The following THBS4 variants were observed in gnomAD, a reference collection of about 807,000 sequenced individuals.
THBS4 encodes thrombospondin-4.
In THBS4, 90 loss-of-function variants were observed where a neutral mutation model predicts 115.7. The ratio of observed to expected loss-of-function variants is 0.78; its 90% CI spans 0.66 to 0.93. THBS4 has a LOEUF of 0.93. THBS4 is among the 40% of genes least tolerant of loss of function. The probability of loss-of-function intolerance (pLI) is 0.00; values close to 1 mark genes in which losing one functional copy is unlikely to be tolerated. For synonymous variants in THBS4, 460 were observed against 479.3 expected (o/e 0.96, Z 0.53); for missense variants, 1,087 against 1,232.7 (o/e 0.88, Z 1.77).
chr5:80,069,497 C>G (rs1833954556), intron 10 of THBS4, among the ~76,000 whole-genome samples: 1 of 152,188 alleles, frequency 6.6e-6, no homozygotes, highest in Admixed American at 6.5e-5. Context: ...AACAAATTGA[C>G]AACTCCCCTG....
chr5:80,005,961 T>C (rs1182361796), intron 2 of THBS4, among the ~76,000 whole-genome samples: 1 of 151,996 alleles, frequency 6.6e-6, no homozygotes, highest in Non-Finnish European at 1.5e-5. Flanking sequence ...GACATGGGGT[T>C]TCACCATGTT....
At chr5:80,082,627 C>T (rs1438536874) in intron 21 of THBS4, 82 bp downstream of exon 21, 2 of 1,543,610 alleles carry the variant, frequency 1.3e-6, no homozygotes, top group African/African-American at 2.7e-5. Context: ...CCGCACTTCC[C>T]CCCCAAAAGC....
intron 8 of THBS4, among the ~76,000 whole-genome samples, chr5:80,062,908 C>T (rs1833689520): frequency 6.6e-6 from 1 of 152,188 alleles, no homozygotes; most frequent in Non-Finnish European, 1.5e-5. Context: ...TGTATATGTG[C>T]CACATTTTCT....
intron 2 of THBS4, among the ~76,000 whole-genome samples, chr5:80,027,300 C>T (rs1377518668): frequency 2.0e-5 from 3 of 152,076 alleles, no homozygotes; most frequent in African/African-American, 7.2e-5. Flanking sequence ...GAGCAGAATC[C>T]CCACCCTCTC....
chr5:80,072,776 A>C (rs1311329261), intron 14 of THBS4: 1 of 253,384 alleles, frequency 3.9e-6, no homozygotes, highest in Non-Finnish European at 7.7e-6. Context: ...AAGTTCAGCC[A>C]GGGATGTGTT....
At chr5:80,015,157 A>T (rs2151156136) in intron 2 of THBS4, among the ~76,000 whole-genome samples, 1 of 152,360 alleles carries the variant, frequency 6.6e-6, no homozygotes, top group Middle Eastern at 3.4e-3. Context: ...AGAAGAGATG[A>T]AGCAAGGAAA....
chr5:80,053,159 T>C (rs986033297), intron 2 of THBS4: 2 of 152,146 alleles, frequency 1.3e-5, no homozygotes, highest in Admixed American at 1.3e-4. Flanking sequence ...TATGTACATA[T>C]ATATACACAT....
At chr5:80,029,211 T>C (rs544329683) in intron 2 of THBS4, among the ~76,000 whole-genome samples, 99 of 152,316 alleles carry the variant, frequency 6.5e-4, no homozygotes, top group African/African-American at 2.2e-3. Context: ...TTATGCCATA[T>C]TAATTCATTA....
intron 2 of THBS4, among the ~76,000 whole-genome samples, chr5:80,008,380 A>C (rs981893172): frequency 1.3e-5 from 2 of 152,132 alleles, no homozygotes; most frequent in Non-Finnish European, 2.9e-5. Context: ...ATAAGTAAAA[A>C]TTTCAAGCTT....
chr5:80,023,690 G>T (rs1832422230), intron 2 of THBS4, among the ~76,000 whole-genome samples: 2 of 152,078 alleles, frequency 1.3e-5, no homozygotes, highest in African/African-American at 4.8e-5. Flanking sequence ...GGTCTATTTG[G>T]CTTATGATTG....
At chr5:80,079,539 A>C (rs1322608223) in intron 19 of THBS4, among the ~76,000 whole-genome samples, 1 of 152,094 alleles carries the variant, frequency 6.6e-6, no homozygotes, top group African/African-American at 2.4e-5. Flanking sequence ...TGGCTAATAA[A>C]TTTCATCGAT....
chr5:80,043,498 G>A (rs1272994890), intron 2 of THBS4, among the ~76,000 whole-genome samples: 4 of 152,148 alleles, frequency 2.6e-5, no homozygotes, highest in Non-Finnish European at 5.9e-5. Flanking sequence ...TGATTTGCGT[G>A]GAAAACGGTG....
chr5:80,031,825 T>G (rs996648975), upstream of THBS4, among the ~76,000 whole-genome samples: 2 of 152,192 alleles, frequency 1.3e-5, no homozygotes, highest in African/African-American at 4.8e-5. Context: ...AAAAGATGTG[T>G]ACACAGAAGA....
At position 80,072,386 on chromosome 5, in the gene THBS4, A is replaced by C; in HGVS notation, c.1829A>C (p.Asn610Thr). Reference protein sequence around the residue: ...DACDSCPDVSNPNQSDVDNDL... With the variant: ...DACDSCPDVSTPNQSDVDNDL... ...TGTGACAGTTGTCCTGATGTCAGCA[A>C]CCCTAACCAGGTTAGTAGGATACTG... is the stretch of plus-strand genomic sequence containing the variant. Residue 610 changes from asparagine (N) to threonine (T), a missense_variant, in exon 14 of 22, where the codon AAC (asparagine) becomes ACC (threonine). By Grantham distance (65) the Asn-to-Thr change is moderately conservative. Transcript: ENST00000350881. 1 of 1,613,960 alleles carries C rather than the reference A, an allele frequency of 6.2e-7. No individual in the cohort carries two copies. The highest frequency in any genetic ancestry group is 8.5e-7 in the Non-Finnish European group (1 of 1,179,848).
Position 80,070,633 on chromosome 5 carries a change from TC to T in THBS4, c.1453-5del. The T allele has an allele frequency of 1.2e-6, 2 of 1,611,544 alleles. No homozygotes were observed. Among genetic ancestry groups the T allele is most frequent in the Non-Finnish European group, 1.7e-6 (2 of 1,177,698 alleles). On this transcript the variant is annotated splice_polypyrimidine_tract_variant and intron_variant, in intron 11 of 21. Transcript: ENST00000350881. Reference sequence around the variant, plus strand: ...TAGGATGTCACTCGGAACTGCATTTTCCCCCTAAGGACAACTGCAAATATGT... The same window carrying T: ...TAGGATGTCACTCGGAACTGCATTTTCCCCTAAGGACAACTGCAAATATGT...
In THBS4 at chr5:80,079,937, T is replaced by C; in HGVS notation, c.2544T>C (p.His848=). Residue 848 remains histidine, a synonymous_variant, in exon 20 of 22, where the codon CAT becomes CAC. Transcript: ENST00000350881. ...AGTCTAAGACAGGTCCAGGGGAGCA[T>C]CTCCGGAACTCCCTGTGGCACACGG... ...AVKSKTGPGE[H]LRNSLWHTGD... 6.2e-7 allele frequency: 1 copy of C among 1,614,032 alleles called. No individual in the cohort carries two copies. Among genetic ancestry groups the C allele is most frequent in the Non-Finnish European group, 8.5e-7 (1 of 1,180,008 alleles).
chr5:80,034,774 G>C (rs147653575), upstream of THBS4, among the ~76,000 whole-genome samples: 1 of 152,146 alleles, frequency 6.6e-6, no homozygotes, highest in African/African-American at 2.4e-5. Context: ...CTTTCACTGT[G>C]TCTCAAAATG....
At chr5:80,060,281 G>A (rs1175859343) in intron 7 of THBS4, among the ~76,000 whole-genome samples, 1 of 152,170 alleles carries the variant, frequency 6.6e-6, no homozygotes, top group Non-Finnish European at 1.5e-5. Context: ...TATTTCAGGA[G>A]TCACCGTGGA....
chr5:80,038,214 C>T (rs532978580), intron 1 of THBS4, among the ~76,000 whole-genome samples: 75 of 151,976 alleles, frequency 4.9e-4, no homozygotes, highest in Non-Finnish European at 9.7e-4. Flanking sequence ...TTATGCAACC[C>T]GGGGATAGCT....
Sources: allele counts gnomAD v4.1 joint callset (sites outside exome capture counted in the v4.1 genomes callset), GRCh38; gene constraint gnomAD v4.1.1; transcripts MANE v1.5; gene names NCBI Gene and HGNC (gene_info 2026-07-23, HGNC 2026-07-21).